The following ERICH6 variants were observed in gnomAD, a reference collection of about 807,000 sequenced individuals.
The protein encoded by ERICH6 is glutamate-rich protein 6.
ERICH6 carries 71 observed loss-of-function variants against 71.0 expected under a neutral mutation model. The observed-to-expected ratio is 1.00, with a 90% CI of 0.83 to 1.22. ERICH6 has a LOEUF of 1.22. ERICH6 is among the 50% of genes most tolerant of loss of function. The pLI is 0.00. For missense variants in ERICH6, 808 were observed against 797.2 expected (o/e 1.01, Z -0.16); for synonymous variants, 262 against 278.4 (o/e 0.94, Z 0.59).
chr3:150,702,094 A>G, intron 2 of ERICH6, 27 bp downstream of exon 2: 3 of 1,455,342 alleles, frequency 2.1e-6, no homozygotes, highest in Non-Finnish European at 2.9e-6. Flanking sequence ...GGTTCAAAAA[A>G]TGTGAAATTT....
At chr3:150,697,568 C>T (rs185265627) in intron 3 of ERICH6, among the ~76,000 whole-genome samples, 2 of 152,270 alleles carry the variant, frequency 1.3e-5, no homozygotes, top group South Asian at 2.1e-4. Context: ...ATCTTCCTAA[C>T]CTCTGAGTAT....
At position 150,685,728 on chromosome 3, in the gene ERICH6, T is replaced by C. The variant is rs768643332; in HGVS notation, c.783+14A>G. 4.4e-6 allele frequency: 7 copies of C among 1,576,356 alleles called. No homozygotes were observed. The Admixed American group carries it at 6.8e-5, about 15-fold the overall frequency. ...TTTTTAAGAGTAATAATAAGAAACA[T>C]GAATTAAAGTCACCTTGAAGTTAAT... On this transcript the variant is annotated intron_variant, in intron 6 of 13. Coordinates refer to ENST00000295910, the MANE Select transcript of ERICH6 (RefSeq NM_152394.5).
chr3:150,674,075 G>T (rs200993569), intron 10 of ERICH6, 34 bp from the exon 11 acceptor site: 1 of 1,575,194 alleles, frequency 6.3e-7, no homozygotes, highest in Non-Finnish European at 8.7e-7. Flanking sequence ...ACACTTAATT[G>T]TTTCGGACAT....
intron 12 of ERICH6, among the ~76,000 whole-genome samples, chr3:150,668,727 C>A (rs1727503800): frequency 6.6e-6 from 1 of 152,132 alleles, no homozygotes; most frequent in Non-Finnish European, 1.5e-5. Flanking sequence ...GAAGTTAGAA[C>A]CCAAATTTCA....
intron 3 of ERICH6, among the ~76,000 whole-genome samples, chr3:150,695,856 G>T (rs929245483): frequency 3.3e-5 from 5 of 151,272 alleles, no homozygotes; most frequent in African/African-American, 1.2e-4. Flanking sequence ...AATATTAAAA[G>T]ATTTAATATT....
chr3:150,687,788 A>C (rs769979970), intron 3 of ERICH6, among the ~76,000 whole-genome samples: 2 of 152,196 alleles, frequency 1.3e-5, no homozygotes, highest in African/African-American at 2.4e-5. Context: ...CAAAGCCAGG[A>C]GAGCAAGGGC....
intron 13 of ERICH6, among the ~76,000 whole-genome samples, chr3:150,663,507 T>C (rs960618446): frequency 1.3e-5 from 2 of 152,000 alleles, no homozygotes; most frequent in Non-Finnish European, 2.9e-5. Context: ...CAGGCTGGAG[T>C]GCAGCAGCAC....
At chr3:150,680,398 C>T (rs1234268223) in intron 9 of ERICH6, 70 bp downstream of exon 9, 5 of 1,496,626 alleles carry the variant, frequency 3.3e-6, no homozygotes, top group African/African-American at 1.4e-5. Flanking sequence ...CCCATTTCAT[C>T]TTTTGGTTAA....
At chr3:150,693,840 G>T (rs1712545514) in intron 3 of ERICH6, among the ~76,000 whole-genome samples, 1 of 151,870 alleles carries the variant, frequency 6.6e-6, no homozygotes, top group Admixed American at 6.6e-5. Flanking sequence ...ATTTTTCTTG[G>T]TTACAAATCT....
intron 6 of ERICH6, 75 bp downstream of exon 6, chr3:150,685,667 T>C (rs1220809112): frequency 1.6e-6 from 2 of 1,214,790 alleles, no homozygotes; most frequent in African/African-American, 3.1e-5. Context: ...ATTTTCACTG[T>C]CTATTGTGCA....
At chr3:150,698,477 A>C (rs1712736391) in intron 3 of ERICH6, among the ~76,000 whole-genome samples, 1 of 152,358 alleles carries the variant, frequency 6.6e-6, no homozygotes, top group African/African-American at 2.4e-5. Flanking sequence ...TACTTGTATA[A>C]TAAAAAAATA....
chr3:150,674,047 C>A lies in ERICH6; in HGVS notation c.1258-6G>T. The A allele has an allele frequency of 6.2e-7, 1 of 1,611,992 alleles. No individual in the cohort carries two copies. Among genetic ancestry groups the A allele is most frequent in the South Asian group, 1.1e-5 (1 of 90,688 alleles). ...AAGAGCTCATTCCTGACAACCTATA[C>A]ACCACAGAAAAGAAAAGACACTTAA... is the stretch of plus-strand genomic sequence containing the variant. On this transcript the variant is annotated splice_region_variant and splice_polypyrimidine_tract_variant and intron_variant, in intron 10 of 13. Transcript: ENST00000295910.
chr3:150,680,805 G>T lies in ERICH6; in HGVS notation c.1008C>A (p.Asp336Glu). ...DPHAAHGSEV[D>E]RLKAKEKALQ... The stretch of plus-strand genomic sequence containing the variant: ...GGGCTTTTTCTTTTGCCTTGAGTCT[G>T]TCGACCTCACTACCATGGGCTGCAT... The change falls in exon 8 of 14, where the codon GAC becomes GAA. Residue 336 changes from aspartate to glutamate, a missense_variant. Asp to Glu is a conservative substitution (Grantham distance 45, BLOSUM62 2). Around this residue, in one of 3 missense-constraint regions of ERICH6, gnomAD observed 736 missense variants for 712.2 expected, o/e 1.03. Coordinates refer to ENST00000295910, the MANE Select transcript of ERICH6 (RefSeq NM_152394.5). 1 of 1,611,978 alleles carries T rather than the reference G, an allele frequency of 6.2e-7. No homozygotes were observed. Among genetic ancestry groups the T allele is most frequent in the South Asian group, 1.1e-5 (1 of 90,832 alleles).
intron 13 of ERICH6, among the ~76,000 whole-genome samples, chr3:150,665,266 A>G (rs983610925): frequency 2.0e-5 from 3 of 152,080 alleles, no homozygotes; most frequent in South Asian, 4.1e-4. Flanking sequence ...TGGTCATGAG[A>G]TATTCCTTCC....
chr3:150,669,200 A>C, intron 12 of ERICH6, 96 bp downstream of exon 12: 1 of 1,332,238 alleles, frequency 7.5e-7, no homozygotes, highest in Non-Finnish European at 1.0e-6. Flanking sequence ...ACTTAAATAA[A>C]TCTTCTGAAA....
intron 3 of ERICH6, among the ~76,000 whole-genome samples, chr3:150,687,581 C>T (rs1409142002): frequency 6.6e-6 from 1 of 152,102 alleles, no homozygotes; most frequent in Non-Finnish European, 1.5e-5. Flanking sequence ...AGTAAACCAC[C>T]AGGATTATTC....
intron 13 of ERICH6, among the ~76,000 whole-genome samples, chr3:150,664,684 A>T (rs1559908727): frequency 6.6e-6 from 1 of 152,078 alleles, no homozygotes; most frequent in Admixed American, 6.5e-5. Flanking sequence ...TTATAAATAC[A>T]TAGTAAGAAG....
chr3:150,701,133 T>C (rs1166328058), intron 2 of ERICH6, among the ~76,000 whole-genome samples: 1 of 152,204 alleles, frequency 6.6e-6, no homozygotes, highest in Non-Finnish European at 1.5e-5. Flanking sequence ...TCATTTCATA[T>C]AGTTTGTTGT....
At chr3:150,678,598 T>A in intron 9 of ERICH6, 44 bp from the exon 10 acceptor site, 10 of 1,469,776 alleles carry the variant, frequency 6.8e-6, no homozygotes, top group Non-Finnish European at 9.1e-6. Context: ...ATGTTTTAAA[T>A]TTTCTAAAGC....
Sources: allele counts gnomAD v4.1 joint callset (sites outside exome capture counted in the v4.1 genomes callset), GRCh38; gene constraint gnomAD v4.1.1; regional missense constraint gnomAD v4.1.1; transcripts MANE v1.5; gene names NCBI Gene and HGNC (gene_info 2026-07-23, HGNC 2026-07-21).